Variants in GBE1 observed in about 807,000 individuals in gnomAD.
The protein encoded by GBE1 is 1,4-alpha-glucan branching enzyme 1, also known as 1,4-alpha-glucan-branching enzyme.
In GBE1, 70 loss-of-function variants were observed where a neutral mutation model predicts 88.8. The observed-to-expected ratio is 0.79, with a 90% CI of 0.65 to 0.96. The LOEUF (loss-of-function observed/expected upper bound fraction) is 0.96. Among genes scored for constraint, GBE1 ranks in the 40% least tolerant of loss-of-function variants. The probability of loss-of-function intolerance (pLI) is 0.00; values close to 1 mark genes in which losing one functional copy is unlikely to be tolerated. For synonymous variants in GBE1, 284 were observed against 300.1 expected (o/e 0.95, Z 0.56); for missense variants, 872 against 871.0 (o/e 1.00, Z -0.01).
chr3:81,581,356 T>A, intron 10 of GBE1, 81 bp from the exon 11 acceptor site: 2 of 764,694 alleles, frequency 2.6e-6, no homozygotes, highest in Non-Finnish European at 4.3e-6. Flanking sequence ...AGTTATGCAT[T>A]ATATCAGTGC....
chr3:81,627,835 A>C (rs1405721096), intron 7 of GBE1, among the ~76,000 whole-genome samples: 2 of 151,618 alleles, frequency 1.3e-5, no homozygotes, highest in African/African-American at 4.8e-5. Context: ...GCTGGAATGC[A>C]GTGGGCAGTG....
chr3:81,536,949 T>C lies in GBE1; in HGVS notation c.1765A>G (p.Arg589Gly), dbSNP rs750518751. The stretch of plus-strand genomic sequence containing the variant: ...AGCCAACCATATCTTTCTTCCAATC[T>C]ATTCATATCCCTGTCAAAATTATTT... Reference protein sequence around the residue: ...FLNNFDRDMNRLEERYGWLAA... With the variant: ...FLNNFDRDMNGLEERYGWLAA... Residue 589 changes from arginine (R) to glycine (G), a missense_variant, in exon 13 of 16, where the codon AGA becomes GGA. By Grantham distance (125) the Arg-to-Gly change is moderately radical. Coordinates refer to ENST00000429644, the MANE Select transcript of GBE1 (RefSeq NM_000158.4). The C allele has an allele frequency of 1.9e-6, 3 of 1,583,572 alleles. No individual in the cohort carries two copies. The highest frequency in any genetic ancestry group is 2.6e-6 in the Non-Finnish European group (3 of 1,167,298).
At chr3:81,594,403 C>T (rs890341774) in intron 7 of GBE1, among the ~76,000 whole-genome samples, 2 of 151,894 alleles carry the variant, frequency 1.3e-5, no homozygotes, top group Non-Finnish European at 2.9e-5. Flanking sequence ...ATTACCAGTC[C>T]CTGAATTTTT....
At chr3:81,734,527 C>A (rs1323398457) in intron 1 of GBE1, among the ~76,000 whole-genome samples, 1 of 152,140 alleles carries the variant, frequency 6.6e-6, no homozygotes, top group Non-Finnish European at 1.5e-5. Context: ...ACATCTGGCA[C>A]GTGTGAGTCC....
At chr3:81,711,804 TGGGA>T (rs1270544517) in intron 1 of GBE1, among the ~76,000 whole-genome samples, 23 of 152,134 alleles carry the variant, frequency 1.5e-4, no homozygotes, top group African/African-American at 5.5e-4. Flanking sequence ...AATCGACAAA[TGGGA>T]TCTAATTAAA....
Position 81,755,233 on chromosome 3 carries a change from T to C in GBE1, c.143+6142A>G, listed in dbSNP as rs571520622. ...TGAAAAAAATGCTCAATATCACTAA[T>C]CATCACAGAAATGCAAATCAAAACC... On this transcript the variant is annotated intron_variant, in intron 1 of 15. Transcript: ENST00000429644. Among the ~76,000 whole-genome samples, 43 of 152,188 alleles carry C rather than the reference T, an allele frequency of 2.8e-4. 1 individual carries two copies. In the South Asian group the frequency reaches 8.9e-3, roughly 32 times the overall value.
At chr3:81,503,332 T>C (rs1246023516) in intron 14 of GBE1, among the ~76,000 whole-genome samples, 1 of 152,120 alleles carries the variant, frequency 6.6e-6, no homozygotes, top group African/African-American at 2.4e-5. Context: ...GGACGAGCCA[T>C]ATATGAAGAC....
intron 1 of GBE1, among the ~76,000 whole-genome samples, chr3:81,747,990 C>T (rs1346756427): frequency 6.6e-6 from 1 of 152,148 alleles, no homozygotes; most frequent in Non-Finnish European, 1.5e-5. Context: ...CATGAAAGCA[C>T]GCACCTGTAA....
chr3:81,513,621 G>C (rs1702754838), intron 14 of GBE1, among the ~76,000 whole-genome samples: 1 of 151,112 alleles, frequency 6.6e-6, no homozygotes, highest in Admixed American at 6.6e-5. Flanking sequence ...ACAACAGACA[G>C]GATTAGTACC....
chr3:81,546,664 C>A (rs1703208135), intron 12 of GBE1, among the ~76,000 whole-genome samples: 5 of 151,610 alleles, frequency 3.3e-5, no homozygotes, highest in African/African-American at 1.2e-4. Flanking sequence ...AATGCCATGG[C>A]AACATCAGGA....
chr3:81,654,739 A>C (rs1471621409), intron 3 of GBE1: 3 of 152,210 alleles, frequency 2.0e-5, no homozygotes, highest in Non-Finnish European at 4.4e-5. Flanking sequence ...TTATCAAACA[A>C]GTGATTTCTA....
At chr3:81,502,694 T>C (rs1201353584) in intron 14 of GBE1, among the ~76,000 whole-genome samples, 1 of 152,208 alleles carries the variant, frequency 6.6e-6, no homozygotes, top group Non-Finnish European at 1.5e-5. Context: ...AACTGATTTG[T>C]TTGTTTTACA....
At chr3:81,526,216 AT>A (rs1316359116) in intron 14 of GBE1, among the ~76,000 whole-genome samples, 2 of 152,144 alleles carry the variant, frequency 1.3e-5, no homozygotes, top group African/African-American at 4.8e-5. Context: ...TGTCCCACAG[AT>A]TCTGGTATGT....
intron 1 of GBE1, among the ~76,000 whole-genome samples, chr3:81,735,265 A>G (rs977395873): frequency 6.6e-6 from 1 of 152,170 alleles, no homozygotes; most frequent in African/African-American, 2.4e-5. Flanking sequence ...CAATCAGCAA[A>G]TCAAAAAGAG....
intron 14 of GBE1, among the ~76,000 whole-genome samples, chr3:81,508,840 T>G (rs1306168190): frequency 6.6e-6 from 1 of 152,088 alleles, no homozygotes; most frequent in Non-Finnish European, 1.5e-5. Context: ...GCATTCTAAT[T>G]CCAGTCCTAC....
At chr3:81,750,619 A>ATATATATG (rs1706504211) in intron 1 of GBE1, among the ~76,000 whole-genome samples, 2 of 66,464 alleles carry the variant, frequency 3.0e-5, no homozygotes, top group African/African-American at 1.9e-4. Context: ...ATATATATGT[A>ATATATATG]TATATATATA....
chr3:81,615,022 C>CAA (rs1023206443), intron 7 of GBE1, among the ~76,000 whole-genome samples: 19 of 115,094 alleles, frequency 1.7e-4, no homozygotes, highest in African/African-American at 5.8e-4. Flanking sequence ...ACTTTTTTCT[C>CAA]AAAAAAAAAA....
chr3:81,734,160 A>G (rs183359402), intron 1 of GBE1, among the ~76,000 whole-genome samples: 1 of 152,268 alleles, frequency 6.6e-6, no homozygotes, highest in East Asian at 1.9e-4. Flanking sequence ...GTATTTGTAA[A>G]TGTTATGTTA....
intron 1 of GBE1, among the ~76,000 whole-genome samples, chr3:81,710,395 C>T (rs960851126): frequency 1.3e-5 from 2 of 150,332 alleles, no homozygotes; most frequent in Non-Finnish European, 3.0e-5. Flanking sequence ...CCACCACGCC[C>T]GGCTTATTTT....
Sources: gnomAD v4.1 joint callset for allele counts (sites outside exome capture counted in the v4.1 genomes callset) on GRCh38, gnomAD v4.1.1 for gene constraint, MANE v1.5 for transcripts, NCBI Gene and HGNC (gene_info 2026-07-23, HGNC 2026-07-21) for gene names.